Variants in RHAG observed in about 807,000 individuals in gnomAD.
RHAG encodes ammonium transporter Rh type A.
A neutral mutation model predicts 42.4 loss-of-function variants in RHAG; 25 were observed. The observed-to-expected ratio is 0.59, with a 90% confidence interval of 0.43 to 0.82. The LOEUF (loss-of-function observed/expected upper bound fraction) is 0.82. RHAG is among the 40% of genes least tolerant of loss of function. The pLI, the probability that RHAG is intolerant of heterozygous loss-of-function variation, is 0.00. For synonymous variants in RHAG, 182 were observed against 177.7 expected (o/e 1.02, Z -0.19); for missense variants, 483 against 504.6 (o/e 0.96, Z 0.41).
In RHAG at chr6:49,611,009, C is replaced by T; in HGVS notation, c.1067+15G>A. Reference sequence around the variant, plus strand: ...ATGGGACCACAGGGGCTGAAAAACCCATTCTTTTACTCACGTGTTGGAGGC... The same window carrying T: ...ATGGGACCACAGGGGCTGAAAAACCTATTCTTTTACTCACGTGTTGGAGGC... On this transcript the variant is annotated intron_variant, in intron 7 of 9. Transcript: ENST00000371175. The T allele has an allele frequency of 6.2e-7, 1 of 1,613,700 alleles. No homozygotes were observed. Among genetic ancestry groups the T allele is most frequent in the Non-Finnish European group, 8.5e-7 (1 of 1,179,734 alleles).
intron 5 of RHAG, among the ~76,000 whole-genome samples, chr6:49,614,020 T>G (rs16879513): frequency 0.05 from 7,588 of 152,248 alleles, 276 homozygotes; most frequent in South Asian, 0.11. Context: ...TTCTGCTGTT[T>G]GATAAATCTT....
At chr6:49,629,037 T>C (rs958817076) in intron 1 of RHAG, among the ~76,000 whole-genome samples, 4 of 152,168 alleles carry the variant, frequency 2.6e-5, no homozygotes, top group Admixed American at 1.3e-4. Flanking sequence ...AGGGTGCTGA[T>C]TGGTGCATTT....
intron 7 of RHAG, among the ~76,000 whole-genome samples, chr6:49,607,443 T>A (rs772316350): frequency 2.0e-5 from 3 of 152,232 alleles, no homozygotes; most frequent in African/African-American, 2.4e-5. Context: ...AAGAGAATCA[T>A]CTTTTCATGT....
chr6:49,634,083 C>T (rs188218522), intron 1 of RHAG, among the ~76,000 whole-genome samples: 1 of 152,228 alleles, frequency 6.6e-6, no homozygotes. Flanking sequence ...TCATGTTATT[C>T]AGGATATCCA....
chr6:49,626,881 G>A (rs1242325231), intron 1 of RHAG, among the ~76,000 whole-genome samples: 1 of 152,248 alleles, frequency 6.6e-6, no homozygotes, highest in Non-Finnish European at 1.5e-5. Flanking sequence ...CAGGACTTGG[G>A]GCTTGCACCC....
chr6:49,618,250 A>G (rs753125732), intron 2 of RHAG, 32 bp from the exon 3 acceptor site: 1 of 1,613,574 alleles, frequency 6.2e-7, no homozygotes, highest in South Asian at 1.1e-5. Flanking sequence ...TTGAAGAGTA[A>G]TGCACACCCA....
At chr6:49,634,359 C>T (rs1032205812) in intron 1 of RHAG, among the ~76,000 whole-genome samples, 1 of 152,076 alleles carries the variant, frequency 6.6e-6, no homozygotes, top group African/African-American at 2.4e-5. Flanking sequence ...AATTCTTACA[C>T]ACTGTTGGTG....
In RHAG at chr6:49,619,232, A is replaced by G. The variant is rs770960143; in HGVS notation, c.288T>C (p.Ile96=). 1 of 1,614,024 alleles carries G rather than the reference A, an allele frequency of 6.2e-7. No homozygotes were observed. The highest frequency in any genetic ancestry group is 8.5e-7 in the Non-Finnish European group (1 of 1,179,998). ...VAALGLQWGT[I]VQGILQSQGQ... ...CCTGGCTTTGCAGGATTCCCTGTAC[A>G]ATAGTGCCCCACTGGAGGCCCAAAG... Residue 96 remains isoleucine, a synonymous_variant, in exon 2 of 10, where the codon ATT becomes ATC. Coordinates refer to ENST00000371175, the MANE Select transcript of RHAG (RefSeq NM_000324.3).
intron 6 of RHAG, among the ~76,000 whole-genome samples, chr6:49,612,054 C>A (rs1058070): frequency 1.3e-5 from 2 of 151,920 alleles, no homozygotes; most frequent in South Asian, 4.2e-4. Flanking sequence ...TGGCCGACAT[C>A]CTAAATCTCT....
intron 4 of RHAG, 147 bp downstream of exon 4, chr6:49,615,477 C>T (rs1762638650): frequency 1.1e-6 from 1 of 880,946 alleles, no homozygotes; most frequent in Non-Finnish European, 1.9e-6. Flanking sequence ...AATCCCACCT[C>T]AGCCTCCTGA....
At chr6:49,636,168 A>G (rs1309341977) in intron 1 of RHAG, among the ~76,000 whole-genome samples, 2 of 152,134 alleles carry the variant, frequency 1.3e-5, no homozygotes, top group African/African-American at 4.8e-5. Context: ...CTCTGAGTAC[A>G]CTTTTTTGAT....
At chr6:49,618,327 C>T in intron 2 of RHAG, 109 bp from the exon 3 acceptor site, 1 of 1,095,118 alleles carries the variant, frequency 9.1e-7, no homozygotes, top group Non-Finnish European at 1.4e-6. Context: ...CAGGCTTACT[C>T]ATCATCTCCC....
At chr6:49,621,888 G>A (rs1762764101) in intron 1 of RHAG, among the ~76,000 whole-genome samples, 1 of 151,538 alleles carries the variant, frequency 6.6e-6, no homozygotes, top group South Asian at 2.1e-4. Context: ...GAGAAGTTAG[G>A]TTACTTGTTT....
chr6:49,624,823 G>A (rs144043577), intron 1 of RHAG, among the ~76,000 whole-genome samples: 97 of 152,324 alleles, frequency 6.4e-4, no homozygotes, highest in African/African-American at 2.2e-3. Flanking sequence ...ACTATCACAT[G>A]TAGGATCAAT....
At chr6:49,633,924 A>C (rs1339939162) in intron 1 of RHAG, among the ~76,000 whole-genome samples, 1 of 152,096 alleles carries the variant, frequency 6.6e-6, no homozygotes, top group Non-Finnish European at 1.5e-5. Context: ...TCCCTGTGGA[A>C]TGTAAACTTC....
chr6:49,606,580 A>C (rs1774167338), intron 9 of RHAG: 1 of 409,830 alleles, frequency 2.4e-6, no homozygotes, highest in Non-Finnish European at 4.3e-6. Flanking sequence ...TTTCTTTTAC[A>C]CTTGACATCC....
intron 7 of RHAG, among the ~76,000 whole-genome samples, chr6:49,609,986 G>A (rs12111081): frequency 0.35 from 52,774 of 151,822 alleles, 9,683 homozygotes; most frequent in East Asian, 0.57. Flanking sequence ...ACCAAACACC[G>A]CATGTTCTCA....
Position 49,615,687 on chromosome 6 carries a change from C to T in RHAG, c.577G>A (p.Gly193Arg). The change falls in exon 4 of 10, where the codon GGA becomes AGA. Residue 193 changes from glycine to arginine, a missense_variant. Physicochemically the swap from Gly to Arg is moderately radical, Grantham distance 125. Coordinates refer to ENST00000371175, the MANE Select transcript of RHAG (RefSeq NM_000324.3). ...TCATTTTCATGCCCCTTTCTCAGTC[C>T]AGATCGATACAAGATGCCTGCTACA... ...LAVAGILYRS[G>R]LRKGHENEES... 6.2e-7 allele frequency: 1 copy of T among 1,614,104 alleles called. No individual in the cohort carries two copies.
At chr6:49,606,964 G>T in intron 8 of RHAG, 43 bp from the exon 9 acceptor site, 1 of 1,432,672 alleles carries the variant, frequency 7.0e-7, no homozygotes, top group Non-Finnish European at 9.8e-7. Context: ...TGACGCTGAA[G>T]AGGAAAATCT....
Sources: allele counts gnomAD v4.1 joint callset (sites outside exome capture counted in the v4.1 genomes callset), GRCh38; gene constraint gnomAD v4.1.1; transcripts MANE v1.5; gene names NCBI Gene and HGNC (gene_info 2026-07-23, HGNC 2026-07-21).